ANKDD1B: variants seen among roughly 807,000 people sequenced by gnomAD.
The protein encoded by ANKDD1B is ankyrin repeat and death domain-containing protein 1B.
ANKDD1B carries 57 observed loss-of-function variants against 59.7 expected under a neutral mutation model. That is an observed-to-expected ratio of 0.95 (90% CI 0.77 to 1.19). The LOEUF (loss-of-function observed/expected upper bound fraction) is 1.19. ANKDD1B is among the 50% of genes most tolerant of loss of function. ANKDD1B has a pLI of 0.00. For synonymous variants in ANKDD1B, 216 were observed against 239.5 expected, an observed-to-expected ratio of 0.90 and a Z score of 0.91; for missense variants, 602 against 641.9, an observed-to-expected ratio of 0.94 and a Z score of 0.67.
Position 75,625,922 on chromosome 5 carries a change from T to C in ANKDD1B, c.567T>C (p.Asp189=). The change falls in exon 5 of 14, where the codon GAT becomes GAC. Residue 189 remains aspartate (D), a synonymous_variant. Coordinates refer to ENST00000601380, the MANE Select transcript of ANKDD1B (RefSeq NM_001276713.2). ...GCATCGTGGAGTATCTTATTCAAGA[T>C]CTGCACCTCAAGGACCTGAACCAGC... ...HVRIVEYLIQ[D]LHLKDLNQPD... is the part of the protein sequence containing the mutation. 1 of 1,536,138 alleles carries C rather than the reference T, an allele frequency of 6.5e-7. No homozygotes were observed. The highest frequency in any genetic ancestry group is 1.7e-4 in the Middle Eastern group (1 of 5,988).
chr5:75,628,242 T>C (rs1774043714), intron 5 of ANKDD1B, among the ~76,000 whole-genome samples: 1 of 152,214 alleles, frequency 6.6e-6, no homozygotes, highest in Admixed American at 6.5e-5. Context: ...GGAATTATTG[T>C]TTAATGAGGA....
intron 13 of ANKDD1B, among the ~76,000 whole-genome samples, chr5:75,670,587 C>A (rs1366291441): frequency 6.6e-6 from 1 of 152,180 alleles, no homozygotes; most frequent in Admixed American, 6.5e-5. Flanking sequence ...CCTCAAAGAG[C>A]GTATTTATGT....
Position 75,627,349 on chromosome 5 carries a change from T to C in ANKDD1B, c.600+1394T>C, listed in dbSNP as rs564296408. Among the ~76,000 whole-genome samples the C allele has an allele frequency of 3.4e-4, 52 of 152,328 alleles. 1 individual carries two copies. The highest frequency in any genetic ancestry group is 1.2e-3 in the African/African-American group (48 of 41,580). ...TATATAATGATTGACATTTCCTCAA[T>C]CTTATGTAAAAGTACCTATGCAAAT... On this transcript the variant is annotated intron_variant, in intron 5 of 13. Transcript: ENST00000601380.
At chr5:75,627,702 G>A (rs1193817605) in intron 5 of ANKDD1B, among the ~76,000 whole-genome samples, 1 of 152,148 alleles carries the variant, frequency 6.6e-6, no homozygotes, top group Admixed American at 6.5e-5. Flanking sequence ...ATTTGTTGAC[G>A]GCCTGTTATG....
intron 3 of ANKDD1B, among the ~76,000 whole-genome samples, chr5:75,622,548 C>T (rs1205224143): frequency 6.6e-6 from 1 of 152,150 alleles, no homozygotes; most frequent in Non-Finnish European, 1.5e-5. Context: ...TTACTCCAGA[C>T]AGGTGTAAAG....
intron 5 of ANKDD1B, 127 bp downstream of exon 5, chr5:75,626,082 C>G (rs536129616): frequency 4.5e-6 from 3 of 665,152 alleles, no homozygotes; most frequent in Admixed American, 2.4e-5. Flanking sequence ...GCTCCTCCAT[C>G]ACCATGGCAG....
chr5:75,649,499 G>T (rs1774768125), intron 7 of ANKDD1B, among the ~76,000 whole-genome samples: 1 of 151,772 alleles, frequency 6.6e-6, no homozygotes, highest in South Asian at 2.1e-4. Flanking sequence ...ACATTTTAAC[G>T]GTTTCTTTGG....
At chr5:75,656,160 CT>C in intron 9 of ANKDD1B, 33 bp downstream of exon 9, 1 of 1,090,086 alleles carries the variant, frequency 9.2e-7, no homozygotes, top group Non-Finnish European at 1.3e-6. Context: ...TGGAGGGTCT[CT>C]TTTCTTAGTT....
intron 1 of ANKDD1B, among the ~76,000 whole-genome samples, chr5:75,616,131 T>C (rs1773710328): frequency 6.6e-6 from 1 of 152,166 alleles, no homozygotes; most frequent in Non-Finnish European, 1.5e-5. Flanking sequence ...CCCCTTATGT[T>C]GGGCTGTCCT....
At chr5:75,629,742 C>T (rs1388429127) in intron 5 of ANKDD1B, among the ~76,000 whole-genome samples, 5 of 151,802 alleles carry the variant, frequency 3.3e-5, no homozygotes, top group Non-Finnish European at 5.9e-5. Flanking sequence ...TGAGAACTAG[C>T]CTGGGAAGCA....
chr5:75,670,161 C>T (rs1775436334), intron 13 of ANKDD1B, among the ~76,000 whole-genome samples: 1 of 152,230 alleles, frequency 6.6e-6, no homozygotes, highest in South Asian at 2.1e-4. Context: ...TTACCCTGTT[C>T]CCATTGGCCC....
At chr5:75,653,752 CTA>C (rs1285402149) in intron 8 of ANKDD1B, among the ~76,000 whole-genome samples, 1 of 152,226 alleles carries the variant, frequency 6.6e-6, no homozygotes, top group African/African-American at 2.4e-5. Context: ...TTTTTCCACT[CTA>C]TTTTCATTTC....
At chr5:75,640,230 A>G (rs373829567) in intron 7 of ANKDD1B, among the ~76,000 whole-genome samples, 6 of 152,052 alleles carry the variant, frequency 3.9e-5, no homozygotes, top group African/African-American at 1.2e-4. Context: ...CTTTTTGTAG[A>G]GATGGGGCTT....
chr5:75,614,349 T>C (rs1055142399), intron 1 of ANKDD1B, among the ~76,000 whole-genome samples: 1 of 152,200 alleles, frequency 6.6e-6, no homozygotes, highest in South Asian at 2.1e-4. Context: ...AAGCATGCCT[T>C]ACCATTGCTT....
chr5:75,653,164 T>C lies in ANKDD1B; in HGVS notation c.821T>C (p.Ile274Thr). The C allele has an allele frequency of 6.5e-7, 1 of 1,536,042 alleles. No individual in the cohort carries two copies. The highest frequency in any genetic ancestry group is 8.7e-7 in the Non-Finnish European group (1 of 1,146,808). Residue 274 changes from isoleucine to threonine, a missense_variant, in exon 8 of 14, where the codon ATA becomes ACA. By Grantham distance (89) the Ile-to-Thr change is moderately conservative (BLOSUM62 -1). Coordinates refer to ENST00000601380, the MANE Select transcript of ANKDD1B (RefSeq NM_001276713.2). ...CAGCTCAATATCAGTAGTTTGCAGA[T>C]AGCAACCAGGAACGGCCATGCATCC... ...MNELNISSLQ[I>T]ATRNGHASLV...
intron 7 of ANKDD1B, among the ~76,000 whole-genome samples, chr5:75,636,096 T>C (rs1286586294): frequency 6.6e-6 from 1 of 152,256 alleles, no homozygotes; most frequent in South Asian, 2.1e-4. Context: ...AATAACGTTG[T>C]TTAATATGTA....
intron 5 of ANKDD1B, among the ~76,000 whole-genome samples, chr5:75,626,822 G>A (rs1774008790): frequency 6.6e-6 from 1 of 151,708 alleles, no homozygotes; most frequent in Non-Finnish European, 1.5e-5. Flanking sequence ...TCTTCATACA[G>A]GAGTAGCTTT....
rs1561434234 is a variant in ANKDD1B at position 75,625,716 on chromosome 5, G to C, written c.466G>C (p.Ala156Pro). ...TGAGGTCATGCTCATGCTGGTTAAA[G>C]CTGGAGCAGACCAGAGAGCCAAGAA... ...SLEVMLMLVKAGADQRAKNQD... is the reference protein window; with the variant it reads ...SLEVMLMLVKPGADQRAKNQD... Residue 156 changes from alanine (A) to proline (P), a missense_variant, in exon 4 of 14, where the codon GCT becomes CCT. Physicochemically the swap from Ala to Pro is conservative, Grantham distance 27. Coordinates refer to ENST00000601380, the MANE Select transcript of ANKDD1B (RefSeq NM_001276713.2). The C allele has an allele frequency of 6.5e-7, 1 of 1,536,298 alleles. No homozygotes were observed. The highest frequency in any genetic ancestry group is 1.4e-5 in the African/African-American group (1 of 73,006).
rs55640131 is a variant in ANKDD1B at position 75,637,240 on chromosome 5, C to CAAAAAAAAAAAAAAAAAAA, written c.798+1373_798+1391dup. 2.2e-3 allele frequency among the ~76,000 whole-genome samples: 153 copies of CAAAAAAAAAAAAAAAAAAA among 69,934 alleles called. 2 individuals carry two copies. The highest frequency in any genetic ancestry group is 2.4e-3 in the African/African-American group (35 of 14,782). 45.9% of individuals were successfully genotyped at this position (69,934 alleles called of 152,430 possible). ...AGCCTGGGCGACAGAGACTCTGTCT[C>CAAAAAAAAAAAAAAAAAAA]AAAAAAAAAAAAAAAAAAAAAAAAA... On this transcript the variant is annotated intron_variant, in intron 7 of 13. Coordinates refer to ENST00000601380, the MANE Select transcript of ANKDD1B (RefSeq NM_001276713.2).
Sources: allele counts gnomAD v4.1 joint callset (sites outside exome capture counted in the v4.1 genomes callset), GRCh38; gene constraint gnomAD v4.1.1; transcripts MANE v1.5; gene names NCBI Gene and HGNC (gene_info 2026-07-23, HGNC 2026-07-21).